Variants in DNAJC19 observed in about 807,000 individuals in gnomAD.
DNAJC19 encodes the protein mitochondrial import inner membrane translocase subunit TIM14.
Under a neutral mutation model 19.8 loss-of-function variants are expected in DNAJC19, and 15 were observed. The ratio of observed to expected loss-of-function variants is 0.76; its 90% CI spans 0.51 to 1.17. The LOEUF (loss-of-function observed/expected upper bound fraction) is 1.17. Ranked by LOEUF, DNAJC19 falls within the 50% of genes most tolerant of loss-of-function variation. DNAJC19 has a pLI of 0.00. For synonymous variants in DNAJC19, 38 were observed against 42.1 expected (o/e 0.90, Z 0.38); for missense variants, 105 against 140.9 (o/e 0.75, Z 1.29).
chr3:180,989,278 C>A (rs1715094568), intron 1 of DNAJC19: 1 of 1,334,118 alleles, frequency 7.5e-7, no homozygotes, highest in Non-Finnish European at 9.6e-7. Flanking sequence ...AGGGCAAGGG[C>A]ACTTATAATC....
At chr3:180,986,046 TC>T in intron 4 of DNAJC19, 50 bp from the exon 5 acceptor site, 1 of 1,464,074 alleles carries the variant, frequency 6.8e-7, no homozygotes, top group Non-Finnish European at 9.5e-7. Flanking sequence ...CTGCATCACA[TC>T]AAAAAACTGT....
In DNAJC19 at chr3:180,989,646, T is replaced by C. The variant is rs1450265546; in HGVS notation, c.-44A>G. The C allele has an allele frequency of 1.9e-6, 3 of 1,579,216 alleles. No individual in the cohort carries two copies. The highest frequency in any genetic ancestry group is 2.3e-5 in the East Asian group (1 of 43,138). Reference sequence around the variant, plus strand: ...TTGCTTCCACCGGGAGCACGGCTCATCCCAGCTCAGAGGCCGCGGCCAACA... The same window carrying C: ...TTGCTTCCACCGGGAGCACGGCTCACCCCAGCTCAGAGGCCGCGGCCAACA... On this transcript the variant is annotated 5_prime_UTR_variant, in exon 1 of 6. An upstream start codon of the reference 5' UTR is lost. Coordinates refer to ENST00000382564, the MANE Select transcript of DNAJC19 (RefSeq NM_145261.4).
chr3:180,989,800 A>G, upstream of DNAJC19: 3 of 896,924 alleles, frequency 3.3e-6, no homozygotes, highest in Non-Finnish European at 5.3e-6. Flanking sequence ...GGAGAAGGAA[A>G]GTCGCTCAAG....
chr3:180,983,837 G>T lies in DNAJC19; in HGVS notation c.*803C>A. On this transcript the variant is annotated 3_prime_UTR_variant, in exon 6 of 6. Transcript: ENST00000382564. ...GGGTTTAAGCTTAATCATAACAATTGCAGAAGTTTGATTATGTCAAGAAAT... is the reference window on the plus strand; with the variant it reads ...GGGTTTAAGCTTAATCATAACAATTTCAGAAGTTTGATTATGTCAAGAAAT... The T allele has an allele frequency of 4.4e-6, 2 of 453,952 alleles. No individual in the cohort carries two copies. Among genetic ancestry groups the T allele is most frequent in the Non-Finnish European group, 8.8e-6 (2 of 226,748 alleles). The allele number at this position is 453,952 out of a possible 1,614,324, so 28.1% of individuals were successfully genotyped here.
At position 180,989,631 on chromosome 3, in the gene DNAJC19, C is replaced by A. The variant is rs181271620; in HGVS notation, c.-29G>T. ...TCCGGCTGGGCTCCCTTGCTTCCAC[C>A]GGGAGCACGGCTCATCCCAGCTCAG... On this transcript the variant is annotated 5_prime_UTR_variant, in exon 1 of 6. Transcript: ENST00000382564. 2.4e-3 allele frequency: 3,815 copies of A among 1,584,672 alleles called. 9 individuals are homozygous for A. The highest frequency in any genetic ancestry group is 3.1e-3 in the Non-Finnish European group (3,558 of 1,166,122).
intron 5 of DNAJC19, chr3:180,985,702 C>T (rs998430573): frequency 6.1e-5 from 30 of 490,578 alleles, no homozygotes; most frequent in African/African-American, 5.6e-4. Context: ...GCCAGAAAAA[C>T]CCACAAAACA....
chr3:180,988,558 G>T (rs1275846892), intron 1 of DNAJC19, among the ~76,000 whole-genome samples: 1 of 151,858 alleles, frequency 6.6e-6, no homozygotes, highest in Non-Finnish European at 1.5e-5. Flanking sequence ...CTGTTATGCT[G>T]AATGCATTAA....
In DNAJC19 at chr3:180,986,013, A is replaced by G. The variant is rs750700018; in HGVS notation, c.210-17T>C. 10 of 1,604,134 alleles carry G rather than the reference A, an allele frequency of 6.2e-6. No individual in the cohort carries two copies. In the East Asian group the frequency reaches 1.8e-4, roughly 29 times the overall value. On this transcript the variant is annotated splice_polypyrimidine_tract_variant and intron_variant, in intron 4 of 5. Coordinates refer to ENST00000382564, the MANE Select transcript of DNAJC19 (RefSeq NM_145261.4). ...GCAGTAGGGCTAATTAAAAAAAGAAATGGTATTTACTTCATCCTACTTCTG... is the reference window on the plus strand; with the variant it reads ...GCAGTAGGGCTAATTAAAAAAAGAAGTGGTATTTACTTCATCCTACTTCTG...
chr3:180,989,821 A>G (rs1471410327), upstream of DNAJC19: 3 of 766,888 alleles, frequency 3.9e-6, no homozygotes, highest in Non-Finnish European at 4.5e-6. Flanking sequence ...CAGTGGACAG[A>G]GCGGAGAAAG....
intron 1 of DNAJC19, among the ~76,000 whole-genome samples, chr3:180,988,853 A>G (rs888131446): frequency 6.6e-6 from 1 of 151,484 alleles, no homozygotes. Context: ...ATACAAAAAA[A>G]AAAAAAATTA....
At chr3:180,986,331 G>A (rs983248160) in intron 4 of DNAJC19, among the ~76,000 whole-genome samples, 1 of 151,544 alleles carries the variant, frequency 6.6e-6, no homozygotes, top group Non-Finnish European at 1.5e-5. Context: ...CCCTAGGCTG[G>A]AGTGCAGTGG....
upstream of DNAJC19, chr3:180,989,743 A>T: frequency 7.1e-7 from 1 of 1,400,516 alleles, no homozygotes; most frequent in Non-Finnish European, 9.8e-7. Flanking sequence ...ACACGGCAGG[A>T]GCAGCCGCAA....
At chr3:180,989,399 G>T (rs1316709059) in intron 1 of DNAJC19, 34 of 1,438,834 alleles carry the variant, frequency 2.4e-5, no homozygotes, top group Non-Finnish European at 2.7e-5. Context: ...GAACCGTGCA[G>T]AAAGACGATG....
intron 5 of DNAJC19, 134 bp downstream of exon 5, chr3:180,985,792 G>T: frequency 1.3e-6 from 1 of 756,574 alleles, no homozygotes; most frequent in South Asian, 1.6e-5. Flanking sequence ...AAAAATATAT[G>T]GCTCCAGCCT....
rs181651741 is a variant in DNAJC19, at chr3:180,989,084, T to C, written c.3+516A>G. ...CTGTTTACAGACGGCTCCTGTAAAATTCTAACAACGCATTTTCGAGGCTAA... is the reference window on the plus strand; with the variant it reads ...CTGTTTACAGACGGCTCCTGTAAAACTCTAACAACGCATTTTCGAGGCTAA... On this transcript the variant is annotated intron_variant, in intron 1 of 5. Transcript: ENST00000382564. 5.7e-4 allele frequency among the ~76,000 whole-genome samples: 86 copies of C among 151,726 alleles called. 2 individuals are homozygous for C. Among genetic ancestry groups the C allele is most frequent in the Middle Eastern group, 7.0e-3 (2 of 284 alleles).
At position 180,987,983 on chromosome 3, in the gene DNAJC19, G is replaced by T. The variant is rs766706722; in HGVS notation, c.129+40C>A. ...TTACCCTTCCCTAAGTGTGGCTCTA[G>T]GTTTCAAATAGAAGCAGCAAAGAAT... On this transcript the variant is annotated intron_variant, in intron 3 of 5. Coordinates refer to ENST00000382564, the MANE Select transcript of DNAJC19 (RefSeq NM_145261.4). The T allele has an allele frequency of 3.7e-6, 6 of 1,609,528 alleles. No homozygotes were observed. The South Asian group carries it at 6.6e-5, about 18-fold the overall frequency.
At chr3:180,987,494 ACAAT>A (rs1714971611) in intron 3 of DNAJC19, 2 of 251,844 alleles carry the variant, frequency 7.9e-6, no homozygotes, top group African/African-American at 4.6e-5. Context: ...GGTAAAGCCT[ACAAT>A]CACTCTATTC....
intron 4 of DNAJC19, 78 bp downstream of exon 4, chr3:180,986,862 AAAG>A: frequency 1.7e-6 from 2 of 1,207,346 alleles, no homozygotes; most frequent in Non-Finnish European, 2.5e-6. Flanking sequence ...CTCTCCTATT[AAAG>A]GAGAGAAGGT....
rs1714785214 is a variant in DNAJC19, at chr3:180,984,414, T to C, written c.*226A>G. On this transcript the variant is annotated 3_prime_UTR_variant, in exon 6 of 6. Coordinates refer to ENST00000382564, the MANE Select transcript of DNAJC19 (RefSeq NM_145261.4). ...TCTGCTAAATGAGTAATGAACAATA[T>C]TTCTATTCAGAAGGTGTGTGCTTGC... 1 of 556,476 alleles carries C rather than the reference T, an allele frequency of 1.8e-6. No individual in the cohort carries two copies. Among genetic ancestry groups the C allele is most frequent in the African/African-American group, 1.9e-5 (1 of 53,698 alleles). The allele number at this position is 556,476 out of a possible 1,614,324, so 34.5% of individuals were successfully genotyped here. A position where few individuals can be genotyped will look rare whatever the true frequency, so the allele number is the denominator to read the frequency against.
Sources: allele counts gnomAD v4.1 joint callset (sites outside exome capture counted in the v4.1 genomes callset), GRCh38; gene constraint gnomAD v4.1.1; transcripts MANE v1.5; gene names NCBI Gene and HGNC (gene_info 2026-07-23, HGNC 2026-07-21).